Variants in NBEAL1 observed in about 807,000 individuals in gnomAD.
NBEAL1 encodes neurobeachin like 1.
NBEAL1 carries 273 observed loss-of-function variants against 351.3 expected under a neutral mutation model. The ratio of observed to expected loss-of-function variants is 0.78; its 90% CI spans 0.70 to 0.86. The LOEUF (loss-of-function observed/expected upper bound fraction) is 0.86, where lower values mean the gene tolerates loss of function less well. Ranked by LOEUF, NBEAL1 falls within the 40% of genes least tolerant of loss-of-function variation. The pLI is 0.00. For missense variants in NBEAL1, 2,961 were observed against 3,201.3 expected, an observed-to-expected ratio of 0.92 and a Z score of 1.81; for synonymous variants, 1,050 against 1,086.4, an observed-to-expected ratio of 0.97 and a Z score of 0.66.
chr2:203,104,397 T>C (rs569977221), intron 12 of NBEAL1, among the ~76,000 whole-genome samples: 46 of 152,290 alleles, frequency 3.0e-4, no homozygotes, highest in African/African-American at 7.5e-4. Flanking sequence ...CTTGGTTGAT[T>C]TTTCTCCATT....
intron 24 of NBEAL1, among the ~76,000 whole-genome samples, chr2:203,129,907 A>G (rs1327254149): frequency 6.6e-6 from 1 of 152,220 alleles, no homozygotes; most frequent in African/African-American, 2.4e-5. Flanking sequence ...GGTTCAAAAG[A>G]TATCAGAGGC....
intron 12 of NBEAL1, among the ~76,000 whole-genome samples, chr2:203,100,100 C>T (rs1358251853): frequency 1.3e-5 from 2 of 152,114 alleles, no homozygotes; most frequent in Non-Finnish European, 2.9e-5. Flanking sequence ...GTTTTTATGG[C>T]TGTGTAGTAT....
In NBEAL1 at chr2:203,062,330, T is replaced by G. The variant is rs1559339618; in HGVS notation, c.515+4877T>G. The stretch of plus-strand genomic sequence containing the variant: ...GTCACATCTCTATAAGAGTTTCTTC[T>G]GGGAAAAATCCAGCAACGCCCACTC... On this transcript the variant is annotated intron_variant, in intron 6 of 55. Transcript: ENST00000683969. This position sits in a 1 kb window ranked among gnomAD's most constrained non-coding sequence, Gnocchi z 4.2. 2.1e-6 allele frequency: 1 copy of G among 487,650 alleles called. No homozygotes were observed. The highest frequency in any genetic ancestry group is 4.1e-6 in the Non-Finnish European group (1 of 242,356). 30.2% of individuals were successfully genotyped at this position (487,650 alleles called of 1,614,324 possible).
chr2:203,092,119 A>T (rs1320052435), intron 10 of NBEAL1, among the ~76,000 whole-genome samples: 1 of 152,220 alleles, frequency 6.6e-6, no homozygotes, highest in African/African-American at 2.4e-5. Flanking sequence ...AGGGAACAGA[A>T]CATTGTGTAA....
At chr2:203,175,483 G>T (rs7600392) in intron 42 of NBEAL1, among the ~76,000 whole-genome samples, 196 bp downstream of exon 42, 7 of 151,862 alleles carry the variant, frequency 4.6e-5, no homozygotes, top group African/African-American at 1.5e-4. Context: ...TCCTTTTTCA[G>T]TGTTATCCCA....
intron 42 of NBEAL1, among the ~76,000 whole-genome samples, chr2:203,176,971 GC>G (rs1239267966): frequency 1.3e-5 from 2 of 151,810 alleles, no homozygotes; most frequent in African/African-American, 4.8e-5. Context: ...AGGCAACAAG[GC>G]AAAACCCCAT....
At chr2:203,075,606 C>T (rs1364501845) in intron 7 of NBEAL1, among the ~76,000 whole-genome samples, 2 of 152,224 alleles carry the variant, frequency 1.3e-5, no homozygotes, top group East Asian at 3.8e-4. Context: ...AGCACTTCCT[C>T]TGTATAGCTT....
chr2:203,203,228 G>A (rs577508576), intron 51 of NBEAL1, among the ~76,000 whole-genome samples: 10 of 150,216 alleles, frequency 6.7e-5, no homozygotes, highest in Non-Finnish European at 1.2e-4. Flanking sequence ...TGCAACCTCC[G>A]CCTCCCGGGT....
intron 2 of NBEAL1, among the ~76,000 whole-genome samples, chr2:203,034,851 G>T (rs1440853494): frequency 7.0e-6 from 1 of 143,032 alleles, no homozygotes; most frequent in African/African-American, 2.5e-5. Flanking sequence ...ATGTTTCTGT[G>T]GGGGGAATTT....
At chr2:203,168,791 G>A (rs1388561396) in intron 38 of NBEAL1, among the ~76,000 whole-genome samples, 1 of 151,298 alleles carries the variant, frequency 6.6e-6, no homozygotes, top group East Asian at 1.9e-4. Context: ...CTACTCGAGA[G>A]GCTGAGGTAG....
intron 55 of NBEAL1, among the ~76,000 whole-genome samples, chr2:203,216,851 T>A (rs1420230485): frequency 2.0e-5 from 3 of 152,214 alleles, no homozygotes; most frequent in Non-Finnish European, 4.4e-5. Flanking sequence ...ATGCCCAGGC[T>A]GGAGGACAGT....
intron 35 of NBEAL1, among the ~76,000 whole-genome samples, chr2:203,152,027 G>A (rs1201793969): frequency 2.0e-5 from 3 of 151,364 alleles, no homozygotes; most frequent in African/African-American, 7.3e-5. Flanking sequence ...GCGCAATCTC[G>A]GCTCACTGCA....
chr2:203,115,841 CAAAGT>C (rs1327571535), intron 17 of NBEAL1, 139 bp from the exon 18 acceptor site: 1 of 551,096 alleles, frequency 1.8e-6, no homozygotes, highest in East Asian at 3.0e-5. Flanking sequence ...AATATGGAAA[CAAAGT>C]AAATTTTAGC....
At chr2:203,206,792 G>A (rs2065587912) in intron 51 of NBEAL1, among the ~76,000 whole-genome samples, 1 of 151,624 alleles carries the variant, frequency 6.6e-6, no homozygotes, top group African/African-American at 2.4e-5. Flanking sequence ...CCAGCAGCCT[G>A]CCTTGGCCTC....
chr2:203,064,631 T>TA (rs573130126), intron 6 of NBEAL1, among the ~76,000 whole-genome samples: 22 of 152,092 alleles, frequency 1.4e-4, no homozygotes, highest in Non-Finnish European at 2.5e-4. Context: ...CTAATTTTTT[T>TA]AAAAAAAGGA....
intron 8 of NBEAL1, among the ~76,000 whole-genome samples, chr2:203,079,195 C>G (rs2061829881): frequency 6.6e-6 from 1 of 152,152 alleles, no homozygotes. Context: ...TCTCCCACTT[C>G]AGCCTCCTAA....
chr2:203,108,222 C>T (rs2062480061), intron 14 of NBEAL1, 34 bp downstream of exon 14: 1 of 1,423,580 alleles, frequency 7.0e-7, no homozygotes, highest in Admixed American at 2.2e-5. Context: ...TAAATGAATA[C>T]TGTCATAACA....
intron 16 of NBEAL1, 26 bp downstream of exon 16, chr2:203,112,124 C>T (rs202178410): frequency 4.0e-5 from 62 of 1,539,564 alleles, no homozygotes; most frequent in Non-Finnish European, 5.1e-5. Context: ...CTACTCTTTA[C>T]GGGCCCTATT....
At chr2:203,200,548 G>A (rs2065368178) in intron 49 of NBEAL1, among the ~76,000 whole-genome samples, 1 of 150,268 alleles carries the variant, frequency 6.7e-6, no homozygotes. Context: ...ACAAAAATTA[G>A]CCAGGCATGG....
Sources: allele counts gnomAD v4.1 joint callset (sites outside exome capture counted in the v4.1 genomes callset), GRCh38; gene constraint gnomAD v4.1.1; non-coding constraint Gnocchi (gnomAD v3.1); transcripts MANE v1.5; gene names NCBI Gene and HGNC (gene_info 2026-07-23, HGNC 2026-07-21).